The following HEATR5A variants were observed in gnomAD, a reference collection of about 807,000 sequenced individuals.
HEATR5A encodes the protein HEAT repeat containing 5A.
A neutral mutation model predicts 218.8 loss-of-function variants in HEATR5A; 178 were observed. The observed-to-expected ratio is 0.81, with a 90% CI of 0.72 to 0.92. HEATR5A has a LOEUF of 0.92. HEATR5A is among the 40% of genes least tolerant of loss of function. HEATR5A has a pLI of 0.00. For synonymous variants in HEATR5A, 864 were observed against 871.6 expected (o/e 0.99, Z 0.15); for missense variants, 2,420 against 2,418.9 (o/e 1.00, Z -0.01).
At chr14:31,391,398 C>T (rs1296796372) in intron 6 of HEATR5A, among the ~76,000 whole-genome samples, 1 of 152,112 alleles carries the variant, frequency 6.6e-6, no homozygotes, top group Non-Finnish European at 1.5e-5. Flanking sequence ...CTTGGCCTCC[C>T]AAAGTGCTGG....
chr14:31,315,649 T>G (rs1899890715), intron 27 of HEATR5A, 121 bp downstream of exon 27: 1 of 683,150 alleles, frequency 1.5e-6, no homozygotes, highest in Non-Finnish European at 2.4e-6. Flanking sequence ...TGGAATTCTT[T>G]TTGTTTAACC....
At position 31,351,208 on chromosome 14, in the gene HEATR5A, T is replaced by C. The variant is rs151253504; in HGVS notation, c.2412-491A>G. Among the ~76,000 whole-genome samples, 71 of 152,340 alleles carry C rather than the reference T, an allele frequency of 4.7e-4. No homozygotes were observed. In the East Asian group the frequency reaches 7.9e-3, roughly 17 times the overall value. ...ATAATACCAACAAATGTAGTCAATATTGATATAACTCCACAAATATTATAT... is the reference window on the plus strand; with the variant it reads ...ATAATACCAACAAATGTAGTCAATACTGATATAACTCCACAAATATTATAT... On this transcript the variant is annotated intron_variant, in intron 16 of 35. Transcript: ENST00000543095.
At chr14:31,366,321 A>C (rs1191550917) in intron 13 of HEATR5A, among the ~76,000 whole-genome samples, 1 of 152,202 alleles carries the variant, frequency 6.6e-6, no homozygotes, top group Non-Finnish European at 1.5e-5. Flanking sequence ...TTAGTTACCA[A>C]ATTTAAGAAT....
At position 31,304,761 on chromosome 14, in the gene HEATR5A, C is replaced by A. The variant is rs2086318388; in HGVS notation, c.5239+144G>T. The stretch of plus-strand genomic sequence containing the variant: ...GTAAAACAATTTATTAAAATGTAAT[C>A]CTAATCTTAGAGGATTAAAGACAAT... On this transcript the variant is annotated intron_variant, in intron 32 of 35. Coordinates refer to ENST00000543095, the MANE Select transcript of HEATR5A (RefSeq NM_015473.4). The A allele has an allele frequency of 4.8e-6, 4 of 837,504 alleles. No homozygotes were observed. The East Asian group carries it at 1.1e-4, about 23-fold the overall frequency. The allele number at this position is 837,504 out of a possible 1,614,324, so 51.9% of individuals were successfully genotyped here.
chr14:31,411,828 T>A lies in HEATR5A; in HGVS notation c.-75+8644A>T, dbSNP rs560749031. Among the ~76,000 whole-genome samples the A allele has an allele frequency of 5.9e-5, 9 of 152,284 alleles. No homozygotes were observed. In the East Asian group the frequency reaches 1.2e-3, roughly 20 times the overall value. Reference sequence around the variant, plus strand: ...AAGACTAGCATACGTCAAAAAAATTTAAAATTTTTTTTGTTCATATTATAA... The same window carrying A: ...AAGACTAGCATACGTCAAAAAAATTAAAAATTTTTTTTGTTCATATTATAA... On this transcript the variant is annotated intron_variant, in intron 1 of 35. Transcript: ENST00000543095.
At chr14:31,420,108 C>G (rs1005260841) in intron 1 of HEATR5A, 3 of 152,396 alleles carry the variant, frequency 2.0e-5, no homozygotes, top group African/African-American at 4.8e-5. Flanking sequence ...TCCCCACACG[C>G]CCGGCAACCC....
At position 31,292,099 on chromosome 14, in the gene HEATR5A, CT is replaced by C. The variant is rs1262453714; in HGVS notation, c.*1205del. 6.6e-6 allele frequency: 1 copy of C among 152,140 alleles called. No individual in the cohort carries two copies. Among genetic ancestry groups the C allele is most frequent in the South Asian group, 2.1e-4 (1 of 4,838 alleles). 9.4% of individuals were successfully genotyped at this position (152,140 alleles called of 1,614,324 possible). On this transcript the variant is annotated 3_prime_UTR_variant, in exon 36 of 36. Transcript: ENST00000543095. ...AAAAAATATTTTTCAACCAATATGA[CT>C]TTATCATTAATCTTTTTTCTATAAT...
intron 1 of HEATR5A, among the ~76,000 whole-genome samples, chr14:31,410,878 T>C (rs941553220): frequency 6.6e-6 from 1 of 152,198 alleles, no homozygotes; most frequent in African/African-American, 2.4e-5. Context: ...TAGGATATTA[T>C]TCTGTATGAC....
At chr14:31,300,305 T>G (rs1397129430) in intron 33 of HEATR5A, among the ~76,000 whole-genome samples, 1 of 151,918 alleles carries the variant, frequency 6.6e-6, no homozygotes, top group African/African-American at 2.4e-5. Context: ...CTTTTTTTTT[T>G]GAGACAGTCT....
At chr14:31,319,742 G>A (rs1019206577) in intron 25 of HEATR5A, among the ~76,000 whole-genome samples, 1 of 152,020 alleles carries the variant, frequency 6.6e-6, no homozygotes, top group African/African-American at 2.4e-5. Context: ...TACAAAACCA[G>A]TAATAGAAAC....
intron 21 of HEATR5A, among the ~76,000 whole-genome samples, chr14:31,339,680 G>A (rs1443997969): frequency 2.0e-5 from 3 of 152,016 alleles, no homozygotes. Context: ...CCTTCAAGCT[G>A]TATTATGAAC....
intron 32 of HEATR5A, 44 bp from the exon 33 acceptor site, chr14:31,302,563 A>G: frequency 7.9e-7 from 1 of 1,273,660 alleles, no homozygotes; most frequent in Middle Eastern, 2.4e-4. Flanking sequence ...TTCAACCTAT[A>G]TATATGGTTT....
rs1295030270 is a variant in HEATR5A at position 31,320,643 on chromosome 14, T to C, written c.3969+856A>G. 4 of 652,876 alleles carry C rather than the reference T, an allele frequency of 6.1e-6. No homozygotes were observed. In the East Asian group the frequency reaches 1.2e-4, roughly 20 times the overall value. 40.4% of individuals were successfully genotyped at this position (652,876 alleles called of 1,614,324 possible). A position where few individuals can be genotyped will look rare whatever the true frequency, so the allele number is the denominator to read the frequency against. ...ACCCCGGTGGTCTGCATTTTTTCAG[T>C]CTCCCAGCTTTAGCCCTTGGTCTCA... On this transcript the variant is annotated intron_variant, in intron 25 of 35. Transcript: ENST00000543095.
At chr14:31,385,991 G>C (rs906758998) in intron 9 of HEATR5A, among the ~76,000 whole-genome samples, 1 of 152,148 alleles carries the variant, frequency 6.6e-6, no homozygotes, top group African/African-American at 2.4e-5. Flanking sequence ...GCCTCCCAAA[G>C]TGCTGGATTA....
At position 31,350,618 on chromosome 14, in the gene HEATR5A, G is replaced by A; in HGVS notation, c.2511C>T (p.Phe837=). Residue 837 remains phenylalanine (F), a synonymous_variant, in exon 17 of 36, where the codon TTC becomes TTT. Transcript: ENST00000543095. ...QLHVVSSVSS[F]LKYVAGSKGC... ...TGAAAAAAATAATAATTACCTTCAA[G>A]AAACTAGAAACTGAAGAAACAACAT... The A allele has an allele frequency of 2.6e-6, 4 of 1,553,878 alleles. No individual in the cohort carries two copies. Among genetic ancestry groups the A allele is most frequent in the Non-Finnish European group, 3.5e-6 (4 of 1,138,998 alleles).
Position 31,403,033 on chromosome 14 carries a change from T to A in HEATR5A, c.-58A>T, listed in dbSNP as rs2030935149. ...TCTTCTCGTTAAACTTTGGTCAATA[T>A]ACCTAACAATAAAAATCTGCAATAC... On this transcript the variant is annotated 5_prime_UTR_variant, in exon 2 of 36. Transcript: ENST00000543095. The A allele has an allele frequency of 6.9e-7, 1 of 1,451,580 alleles. No homozygotes were observed. The highest frequency in any genetic ancestry group is 2.3e-5 in the Admixed American group (1 of 43,168). The allele number at this position is 1,451,580 out of a possible 1,614,324, so 89.9% of individuals were successfully genotyped here.
intron 11 of HEATR5A, among the ~76,000 whole-genome samples, chr14:31,379,517 G>A (rs570127125): frequency 1.5e-4 from 23 of 152,104 alleles, no homozygotes; most frequent in African/African-American, 3.9e-4. Context: ...CCCAAAGTGC[G>A]GGGATTACAA....
At chr14:31,413,544 C>T (rs77416015) in intron 1 of HEATR5A, among the ~76,000 whole-genome samples, 1,845 of 151,710 alleles carry the variant, frequency 0.012, 27 homozygotes, top group African/African-American at 0.036. Flanking sequence ...GAGAACACCC[C>T]GGAAGCGTAA....
In HEATR5A at chr14:31,326,192, A is replaced by C. The variant is rs1208168086; in HGVS notation, c.3518T>G (p.Leu1173Arg). The change falls in exon 23 of 36, where the codon CTT (leucine) becomes CGT (arginine). Residue 1173 changes from leucine to arginine, a missense_variant. Leu to Arg is a moderately radical substitution (Grantham distance 102). Transcript: ENST00000543095. ...AVEKLSLWLK[L>R]CKDVLAASAD... ...TGATGCAGCAAGTACATCTTTACAAAGCTTTAACCACAGGGAGAGTTTTTC... is the reference window on the plus strand; with the variant it reads ...TGATGCAGCAAGTACATCTTTACAACGCTTTAACCACAGGGAGAGTTTTTC... 3 of 1,613,348 alleles carry C rather than the reference A, an allele frequency of 1.9e-6. No individual in the cohort carries two copies. The South Asian group carries it at 3.3e-5, about 18-fold the overall frequency.
Sources: allele counts gnomAD v4.1 joint callset (sites outside exome capture counted in the v4.1 genomes callset), GRCh38; gene constraint gnomAD v4.1.1; transcripts MANE v1.5; gene names NCBI Gene and HGNC (gene_info 2026-07-23, HGNC 2026-07-21).